The following MACROD1 variants were observed in gnomAD, a reference collection of about 807,000 sequenced individuals.
MACROD1 encodes mono-ADP ribosylhydrolase 1.
MACROD1 carries 31 observed loss-of-function variants against 41.4 expected under a neutral mutation model. The ratio of observed to expected loss-of-function variants is 0.75; its 90% CI spans 0.56 to 1.01. The LOEUF is 1.01. MACROD1 is among the 50% of genes least tolerant of loss of function. The pLI, the probability that MACROD1 is intolerant of heterozygous loss-of-function variation, is 0.00. For missense variants in MACROD1, 473 were observed against 460.0 expected (o/e 1.03, Z -0.26); for synonymous variants, 252 against 203.4 (o/e 1.24, Z -2.03).
chr11:64,065,789 CAAAAAAAAAA>C lies in MACROD1; in HGVS notation c.518-50518_518-50509del, dbSNP rs58096977. Among the ~76,000 whole-genome samples the C allele has an allele frequency of 1.9e-3, 131 of 67,568 alleles. 1 individual carries two copies. Among genetic ancestry groups the C allele is most frequent in the Non-Finnish European group, 3.9e-3 (114 of 29,156 alleles). 44.3% of individuals were successfully genotyped at this position (67,568 alleles called of 152,430 possible). ...TGGGCGACAGAGCACGACTCCGCCT[CAAAAAAAAAA>C]AAAAAAAAAAAGATGAACAAGGAGA... On this transcript the variant is annotated intron_variant, in intron 3 of 10. Coordinates refer to ENST00000255681, the MANE Select transcript of MACROD1 (RefSeq NM_014067.4).
chr11:64,063,335 G>C (rs999580326), intron 3 of MACROD1, among the ~76,000 whole-genome samples: 1 of 152,158 alleles, frequency 6.6e-6, no homozygotes, highest in African/African-American at 2.4e-5. Context: ...GAGGATTGCT[G>C]GGTGCAGGGA....
At chr11:64,141,579 A>G (rs1292531108) in intron 3 of MACROD1, among the ~76,000 whole-genome samples, 2 of 152,240 alleles carry the variant, frequency 1.3e-5, no homozygotes, top group African/African-American at 4.8e-5. Flanking sequence ...AGGGCTGCAG[A>G]TCCAGCCCTT....
intron 3 of MACROD1, among the ~76,000 whole-genome samples, chr11:64,022,112 G>A (rs1943165593): frequency 6.6e-6 from 1 of 151,886 alleles, no homozygotes; most frequent in Admixed American, 6.6e-5. Context: ...AAGTGAGGGG[G>A]CTCAGGCAAG....
At chr11:64,131,946 C>T (rs1031577809) in intron 3 of MACROD1, among the ~76,000 whole-genome samples, 3 of 151,720 alleles carry the variant, frequency 2.0e-5, no homozygotes, top group Admixed American at 1.3e-4. Flanking sequence ...GAGGGAGGGG[C>T]GCACTTGACT....
chr11:64,107,842 A>C (rs1440668205), intron 3 of MACROD1, among the ~76,000 whole-genome samples: 1 of 152,186 alleles, frequency 6.6e-6, no homozygotes, highest in Non-Finnish European at 1.5e-5. Flanking sequence ...TGCCTGAACT[A>C]GGGCTTGGAA....
In MACROD1 at chr11:64,122,366, G is replaced by A. The variant is rs1173159274; in HGVS notation, c.517+28873C>T. The stretch of plus-strand genomic sequence containing the variant: ...GGGCATTGCACCTTCCTGGCTCTGG[G>A]TGACGCTGGCAGGGGAGGGGACAGC... On this transcript the variant is annotated intron_variant, in intron 3 of 10. Transcript: ENST00000255681. The surrounding 1 kb of genome is among the most constrained non-coding windows in gnomAD (Gnocchi z 4.0). Among the ~76,000 whole-genome samples the A allele has an allele frequency of 6.6e-6, 1 of 152,210 alleles. No homozygotes were observed. The highest frequency in any genetic ancestry group is 1.5e-5 in the Non-Finnish European group (1 of 68,032).
At chr11:64,023,745 A>C (rs1590809149) in intron 3 of MACROD1, among the ~76,000 whole-genome samples, 2 of 149,794 alleles carry the variant, frequency 1.3e-5, no homozygotes, top group African/African-American at 2.5e-5. Flanking sequence ...GGCCTCCTTC[A>C]CTCCCACACA....
At chr11:64,020,781 C>T (rs1254827162) in intron 3 of MACROD1, among the ~76,000 whole-genome samples, 3 of 152,152 alleles carry the variant, frequency 2.0e-5, no homozygotes, top group South Asian at 2.1e-4. Flanking sequence ...TGCTGTGGTT[C>T]GATCTCGGTT....
At chr11:64,056,503 C>T (rs1232483835) in intron 3 of MACROD1, among the ~76,000 whole-genome samples, 5 of 152,190 alleles carry the variant, frequency 3.3e-5, no homozygotes, top group Non-Finnish European at 5.9e-5. Flanking sequence ...GACAGACGGA[C>T]GGAGAGACGG....
intron 3 of MACROD1, among the ~76,000 whole-genome samples, chr11:64,079,751 T>G (rs781335215): frequency 3.3e-5 from 5 of 151,850 alleles, no homozygotes; most frequent in African/African-American, 4.8e-5. Context: ...CAGAGAAATG[T>G]GGAGTGGAGG....
At chr11:64,069,355 G>C (rs147210433) in intron 3 of MACROD1, among the ~76,000 whole-genome samples, 1,799 of 152,346 alleles carry the variant, frequency 0.012, 24 homozygotes, top group South Asian at 0.052. Flanking sequence ...GGCTGCCAGA[G>C]GATGGGGGTC....
At chr11:64,130,975 T>TGCATCGGA (rs1299977528) in intron 3 of MACROD1, among the ~76,000 whole-genome samples, 1 of 152,268 alleles carries the variant, frequency 6.6e-6, no homozygotes, top group Non-Finnish European at 1.5e-5. Context: ...GAGGAAGCAC[T>TGCATCGGA]GCATCGGAGA....
At chr11:64,145,098 G>A (rs995947158) in intron 3 of MACROD1, among the ~76,000 whole-genome samples, 2 of 152,226 alleles carry the variant, frequency 1.3e-5, no homozygotes, top group Admixed American at 1.3e-4. Context: ...CTTGGGAGGA[G>A]GGCGGTGATA....
chr11:64,003,270 T>C (rs2134322060), intron 4 of MACROD1, among the ~76,000 whole-genome samples: 1 of 152,286 alleles, frequency 6.6e-6, no homozygotes, highest in East Asian at 1.9e-4. Context: ...CAGGCTGGAG[T>C]GCAGTGGTGC....
intron 3 of MACROD1, among the ~76,000 whole-genome samples, chr11:64,021,151 C>T (rs1330010479): frequency 6.6e-6 from 1 of 152,246 alleles, no homozygotes; most frequent in African/African-American, 2.4e-5. Context: ...GTGGACATTA[C>T]AGATGGTGCC....
At chr11:64,118,175 C>T in intron 3 of MACROD1, 2 of 1,613,680 alleles carry the variant, frequency 1.2e-6, no homozygotes, top group Non-Finnish European at 1.7e-6. Context: ...ACGTGGTCCA[C>T]ACTATCTTCC....
At chr11:64,047,286 T>A (rs143034497) in intron 3 of MACROD1, among the ~76,000 whole-genome samples, 3 of 152,142 alleles carry the variant, frequency 2.0e-5, no homozygotes, top group Non-Finnish European at 4.4e-5. Context: ...GATAAATGGC[T>A]TTCTTTGTAC....
chr11:64,128,968 A>C (rs2134652313), intron 3 of MACROD1, among the ~76,000 whole-genome samples: 1 of 152,342 alleles, frequency 6.6e-6, no homozygotes, highest in Non-Finnish European at 1.5e-5. Flanking sequence ...CTCCAAGCAC[A>C]ACAGCCCTTG....
chr11:64,150,512 GAGCA>G (rs1347893785), intron 3 of MACROD1, among the ~76,000 whole-genome samples: 2 of 152,144 alleles, frequency 1.3e-5, no homozygotes, highest in Non-Finnish European at 2.9e-5. Flanking sequence ...GTAAGCAAAG[GAGCA>G]AGCGAGCAGG....
Sources: gnomAD v4.1 joint callset for allele counts (sites outside exome capture counted in the v4.1 genomes callset) on GRCh38, gnomAD v4.1.1 for gene constraint, Gnocchi (gnomAD v3.1) non-coding constraint, MANE v1.5 for transcripts, NCBI Gene and HGNC (gene_info 2026-07-23, HGNC 2026-07-21) for gene names.